AOPEP: variants seen among roughly 807,000 people sequenced by gnomAD.
AOPEP encodes aminopeptidase O (putative).
AOPEP carries 77 observed loss-of-function variants against 98.1 expected under a neutral mutation model. The observed-to-expected ratio is 0.78, with a 90% CI of 0.65 to 0.95. The LOEUF is 0.95. AOPEP is among the 40% of genes least tolerant of loss of function. The pLI, the probability that AOPEP is intolerant of heterozygous loss-of-function variation, is 0.00. For synonymous variants in AOPEP, 346 were observed against 365.3 expected (o/e 0.95, Z 0.60); for missense variants, 1,024 against 1,024.7 (o/e 1.00, Z 0.01).
At chr9:94,870,376 C>A (rs1034382959) in intron 5 of AOPEP, among the ~76,000 whole-genome samples, 28 of 152,310 alleles carry the variant, frequency 1.8e-4, no homozygotes, top group African/African-American at 5.8e-4. Flanking sequence ...TAATAATAAT[C>A]ATTTTCATTT....
chr9:94,799,511 A>G (rs1043521315), intron 4 of AOPEP, among the ~76,000 whole-genome samples: 6 of 152,122 alleles, frequency 3.9e-5, no homozygotes, highest in African/African-American at 1.2e-4. Flanking sequence ...TGGAGGCTAC[A>G]GTGAGCTATG....
At chr9:94,841,480 C>A (rs1315817642) in intron 5 of AOPEP, among the ~76,000 whole-genome samples, 2 of 152,044 alleles carry the variant, frequency 1.3e-5, no homozygotes, top group African/African-American at 4.8e-5. Context: ...GGCCACTCCA[C>A]ACATTTTGAT....
chr9:95,016,534 C>T lies in AOPEP; in HGVS notation c.2115+10918C>T, dbSNP rs58217533. On this transcript the variant is annotated intron_variant, in intron 13 of 16. Transcript: ENST00000375315. ...CTGGGATTACAGGTGTGAGCCACCGCGCCAGGCCCTTTTGTGATTTTTGAA... is the reference window on the plus strand; with the variant it reads ...CTGGGATTACAGGTGTGAGCCACCGTGCCAGGCCCTTTTGTGATTTTTGAA... 2.7e-3 allele frequency among the ~76,000 whole-genome samples: 418 copies of T among 152,080 alleles called. 1 individual carries two copies. The highest frequency in any genetic ancestry group is 9.1e-3 in the African/African-American group (377 of 41,466).
chr9:95,117,461 C>CTGAG, the AOPEP span: 1 of 1,269,562 alleles, frequency 7.9e-7, no homozygotes, highest in Non-Finnish European at 1.1e-6. Context: ...ATACAAAACT[C>CTGAG]TGAGTCCTCT....
At chr9:95,082,867 C>A in intron 16 of AOPEP, 148 bp downstream of exon 16, 1 of 878,738 alleles carries the variant, frequency 1.1e-6, no homozygotes, top group Non-Finnish European at 1.7e-6. Flanking sequence ...GAGTAACTGG[C>A]CAAGTGGGTG....
chr9:94,880,754 C>G (rs889902419), intron 5 of AOPEP, among the ~76,000 whole-genome samples: 2 of 152,184 alleles, frequency 1.3e-5, no homozygotes, highest in African/African-American at 4.8e-5. Context: ...ATATGACAAG[C>G]TTGGGTGGGA....
In AOPEP at chr9:95,001,686, G is replaced by A. The variant is rs1564504765; in HGVS notation, c.1978-3472G>A. On this transcript the variant is annotated intron_variant, in intron 11 of 16. Transcript: ENST00000375315. ...TTTCATTCTAGATTAAATTCAGCTT[G>A]TAGCACCATGCTGGAATATAATTTT... is the stretch of plus-strand genomic sequence containing the variant. 2.6e-5 allele frequency among the ~76,000 whole-genome samples: 4 copies of A among 152,206 alleles called. No individual in the cohort carries two copies. The South Asian group carries it at 8.3e-4, about 31-fold the overall frequency.
chr9:95,113,622 A>T, the AOPEP span: 1 of 151,698 alleles, frequency 6.6e-6, no homozygotes, highest in Admixed American at 6.6e-5. Flanking sequence ...CTACAAAAAA[A>T]AAAATTTTTT....
chr9:94,931,281 C>G (rs1317110787), intron 7 of AOPEP, among the ~76,000 whole-genome samples: 2 of 152,096 alleles, frequency 1.3e-5, no homozygotes, highest in East Asian at 1.9e-4. Context: ...TTGTACTAGA[C>G]AGTTTTTTAT....
chr9:95,137,508 C>A, the AOPEP span, among the ~76,000 whole-genome samples: 175 of 152,236 alleles, frequency 1.1e-3, 1 homozygote, highest in African/African-American at 4.0e-3. Flanking sequence ...CCTGGCAAAG[C>A]CCTGCCATGG....
intron 5 of AOPEP, among the ~76,000 whole-genome samples, chr9:94,878,713 A>G (rs556622517): frequency 6.6e-6 from 1 of 152,320 alleles, no homozygotes; most frequent in South Asian, 2.1e-4. Flanking sequence ...TAATGCCAAC[A>G]GTAGTACCTT....
intron 11 of AOPEP, among the ~76,000 whole-genome samples, chr9:94,989,773 G>A (rs1467791189): frequency 5.3e-5 from 8 of 151,536 alleles, no homozygotes; most frequent in African/African-American, 1.9e-4. Context: ...CACCATACTC[G>A]GCTAATTTTT....
chr9:94,989,939 A>C (rs928504943), intron 11 of AOPEP, among the ~76,000 whole-genome samples: 2 of 152,120 alleles, frequency 1.3e-5, no homozygotes, highest in Admixed American at 6.5e-5. Flanking sequence ...TTTGTGGTTT[A>C]GTTTATTAGT....
intron 7 of AOPEP, among the ~76,000 whole-genome samples, chr9:94,943,323 G>T (rs2057223312): frequency 6.6e-6 from 1 of 152,240 alleles, no homozygotes. Context: ...ACCGGGCATG[G>T]TGGCTCACGC....
At chr9:94,909,886 C>T (rs1024782690) in intron 5 of AOPEP, among the ~76,000 whole-genome samples, 12 of 152,120 alleles carry the variant, frequency 7.9e-5, no homozygotes, top group Non-Finnish European at 1.3e-4. Context: ...GGCTGCAGCT[C>T]GCTGGGTCTT....
In AOPEP at chr9:94,917,510, T is replaced by A. The variant is rs146025766; in HGVS notation, c.1365-6476T>A. On this transcript the variant is annotated intron_variant, in intron 5 of 16. Coordinates refer to ENST00000375315, the MANE Select transcript of AOPEP (RefSeq NM_001193329.3). Reference sequence around the variant, plus strand: ...CCCCCATGAGCACCCACCTTGAACCTTGCTAGGATCCAGGTATCTGTCATT... The same window carrying A: ...CCCCCATGAGCACCCACCTTGAACCATGCTAGGATCCAGGTATCTGTCATT... Among the ~76,000 whole-genome samples, 6 of 152,280 alleles carry A rather than the reference T, an allele frequency of 3.9e-5. No homozygotes were observed. The East Asian group carries it at 1.2e-3, about 29-fold the overall frequency.
At chr9:95,002,499 A>T (rs2061628459) in intron 11 of AOPEP, among the ~76,000 whole-genome samples, 1 of 152,246 alleles carries the variant, frequency 6.6e-6, no homozygotes, top group South Asian at 2.1e-4. Context: ...ATGTATCAAT[A>T]TTGGTTCCTC....
chr9:94,877,101 T>C (rs914423826), intron 5 of AOPEP, among the ~76,000 whole-genome samples: 1 of 152,212 alleles, frequency 6.6e-6, no homozygotes, highest in African/African-American at 2.4e-5. Context: ...ATTGATTATT[T>C]TGGCCTCTGA....
At chr9:94,822,218 C>T (rs1213487243) in intron 5 of AOPEP, among the ~76,000 whole-genome samples, 2 of 152,202 alleles carry the variant, frequency 1.3e-5, no homozygotes, top group Non-Finnish European at 2.9e-5. Flanking sequence ...CTTTGCAGGG[C>T]CCTTTGACCC....
Sources: gnomAD v4.1 joint callset for allele counts (sites outside exome capture counted in the v4.1 genomes callset) on GRCh38, gnomAD v4.1.1 for gene constraint, MANE v1.5 for transcripts, NCBI Gene and HGNC (gene_info 2026-07-23, HGNC 2026-07-21) for gene names.